Variants in COL19A1 observed in about 807,000 individuals in gnomAD.
COL19A1 encodes collagen alpha-1(XIX) chain.
A neutral mutation model predicts 190.2 loss-of-function variants in COL19A1; 159 were observed. That is an observed-to-expected ratio of 0.84 (90% confidence interval 0.73 to 0.95). The LOEUF (loss-of-function observed/expected upper bound fraction) is 0.95, where lower values mean the gene tolerates loss of function less well. Ranked by LOEUF, COL19A1 falls within the 40% of genes least tolerant of loss-of-function variation. The pLI, the probability that COL19A1 is intolerant of heterozygous loss-of-function variation, is 0.00. For synonymous variants in COL19A1, 509 were observed against 458.9 expected (o/e 1.11, Z -1.39); for missense variants, 1,418 against 1,431.9 (o/e 0.99, Z 0.16).
intron 44 of COL19A1, among the ~76,000 whole-genome samples, chr6:70,184,461 G>T (rs1444277108): frequency 6.6e-6 from 1 of 152,212 alleles, no homozygotes; most frequent in Non-Finnish European, 1.5e-5. Flanking sequence ...CTAGTGAAGA[G>T]ATTGATGCTA....
intron 34 of COL19A1, among the ~76,000 whole-genome samples, chr6:70,159,321 C>T (rs1787636465): frequency 6.6e-6 from 1 of 151,800 alleles, no homozygotes. Context: ...CATCTATAAA[C>T]CTGCATACAA....
chr6:70,008,464 G>A (rs1777770541), intron 11 of COL19A1, among the ~76,000 whole-genome samples: 1 of 151,824 alleles, frequency 6.6e-6, no homozygotes, highest in South Asian at 2.1e-4. Flanking sequence ...TTCTTAGAAA[G>A]TCAAAAATTA....
At chr6:69,924,287 G>A (rs868095005) in intron 4 of COL19A1, among the ~76,000 whole-genome samples, 100 of 150,218 alleles carry the variant, frequency 6.7e-4, no homozygotes, top group South Asian at 6.4e-4. Context: ...GGTGTGTGAT[G>A]TTCTCCTTCC....
At chr6:70,176,603 C>T (rs765208590) in intron 42 of COL19A1, 39 bp downstream of exon 42, 50 of 1,604,822 alleles carry the variant, frequency 3.1e-5, no homozygotes, top group East Asian at 6.7e-5. Flanking sequence ...CACAGGTAAA[C>T]GGTTCTATCT....
At chr6:70,140,897 G>A (rs573514504) in intron 19 of COL19A1, 57 bp from the exon 20 acceptor site, 1 of 1,568,856 alleles carries the variant, frequency 6.4e-7, no homozygotes, top group East Asian at 2.2e-5. Flanking sequence ...CCACACCCCG[G>A]TTTGGAGAGT....
At chr6:70,149,620 A>G in intron 27 of COL19A1, 84 bp from the exon 28 acceptor site, 1 of 1,549,522 alleles carries the variant, frequency 6.5e-7, no homozygotes, top group Non-Finnish European at 8.8e-7. Flanking sequence ...TAAGTAAACT[A>G]CAATGCTTAG....
At chr6:70,126,569 G>T (rs1785209000) in intron 17 of COL19A1, among the ~76,000 whole-genome samples, 1 of 152,184 alleles carries the variant, frequency 6.6e-6, no homozygotes, top group Non-Finnish European at 1.5e-5. Context: ...TGGTGAAATG[G>T]TTTTTTGCAG....
chr6:70,146,883 C>T lies in COL19A1; in HGVS notation c.1887C>T (p.Gly629=), dbSNP rs750856680. ...DIGPQGIGIP[G]RTGAQGPAGE... ...GCCCACAAGGGATAGGAATTCCTGG[C>T]AGAACAGTAAGTGAAATTCATTCGA... Residue 629 remains glycine (G), a synonymous_variant, in exon 27 of 51, where the codon GGC becomes GGT. Transcript: ENST00000620364. 6.4e-7 allele frequency: 1 copy of T among 1,572,704 alleles called. No homozygotes were observed. The highest frequency in any genetic ancestry group is 2.0e-5 in the Admixed American group (1 of 50,112).
chr6:69,937,106 C>A (rs565359199), intron 8 of COL19A1, among the ~76,000 whole-genome samples, 196 bp downstream of exon 8: 1 of 152,076 alleles, frequency 6.6e-6, no homozygotes, highest in Non-Finnish European at 1.5e-5. Flanking sequence ...AGTTTCAAGC[C>A]CATCTGAACT....
At chr6:69,965,924 C>A (rs187793901) in intron 11 of COL19A1, among the ~76,000 whole-genome samples, 113 of 152,250 alleles carry the variant, frequency 7.4e-4, no homozygotes, top group Middle Eastern at 3.4e-3. Flanking sequence ...GCTTCTCTCT[C>A]TATATAGGAG....
intron 11 of COL19A1, among the ~76,000 whole-genome samples, chr6:70,001,476 C>T (rs574913231): frequency 1.1e-4 from 17 of 152,242 alleles, no homozygotes; most frequent in Non-Finnish European, 2.2e-4. Flanking sequence ...GCCATTTTCA[C>T]GATATTGATT....
chr6:70,081,473 G>A (rs1782249143), intron 15 of COL19A1, among the ~76,000 whole-genome samples: 1 of 151,904 alleles, frequency 6.6e-6, no homozygotes. Flanking sequence ...GACTTTGAAA[G>A]CCTTGTAGAC....
rs746918497 is a variant in COL19A1, at chr6:70,176,501, T to C, written c.2623-19T>C. The C allele has an allele frequency of 1.3e-5, 21 of 1,611,638 alleles. No homozygotes were observed. Among genetic ancestry groups the C allele is most frequent in the Non-Finnish European group, 1.8e-5 (21 of 1,179,064 alleles). On this transcript the variant is annotated intron_variant, in intron 41 of 50. Coordinates refer to ENST00000620364, the MANE Select transcript of COL19A1 (RefSeq NM_001858.6). Reference sequence around the variant, plus strand: ...TTCATTGATGTCATTAAAGTAGCAATGTTTTTAAATCCCAACAGGGAGATC... The same window carrying C: ...TTCATTGATGTCATTAAAGTAGCAACGTTTTTAAATCCCAACAGGGAGATC...
chr6:70,180,199 G>A, intron 42 of COL19A1, 113 bp from the exon 43 acceptor site: 2 of 1,189,312 alleles, frequency 1.7e-6, no homozygotes, highest in South Asian at 1.4e-5. Flanking sequence ...AATGCCACTG[G>A]AGAGCATCAC....
At chr6:70,199,850 A>G in intron 49 of COL19A1, 114 bp downstream of exon 49, 5 of 883,096 alleles carry the variant, frequency 5.7e-6, no homozygotes, top group Non-Finnish European at 8.4e-6. Context: ...TATACATTAC[A>G]TATATAAATA....
chr6:70,083,328 T>C (rs948143360), intron 15 of COL19A1, among the ~76,000 whole-genome samples: 3 of 152,188 alleles, frequency 2.0e-5, no homozygotes, highest in Non-Finnish European at 4.4e-5. Flanking sequence ...GTGTACAGTT[T>C]TGTAATTTTT....
chr6:70,156,689 G>A lies in COL19A1; in HGVS notation c.2258G>A (p.Gly753Asp), dbSNP rs938116658. ...TTTTAGGGAAGCAAAGGAGAGCGGG[G>A]CTACCCTGGGATACCTGGGGAGAAA... ...EGPKGSKGERGYPGIPGEKGD... is the reference protein window; with the variant it reads ...EGPKGSKGERDYPGIPGEKGD... Residue 753 changes from glycine (G) to aspartate (D), a missense_variant, in exon 34 of 51, where the codon GGC becomes GAC. Physicochemically the swap from Gly to Asp is moderately conservative, Grantham distance 94. Coordinates refer to ENST00000620364, the MANE Select transcript of COL19A1 (RefSeq NM_001858.6). The A allele has an allele frequency of 1.7e-5, 27 of 1,611,622 alleles. No homozygotes were observed. Among genetic ancestry groups the A allele is most frequent in the Non-Finnish European group, 2.0e-5 (24 of 1,178,572 alleles).
chr6:70,193,554 G>T (rs1326814666), intron 48 of COL19A1, among the ~76,000 whole-genome samples: 1 of 152,148 alleles, frequency 6.6e-6, no homozygotes, highest in Non-Finnish European at 1.5e-5. Flanking sequence ...CAGGTGAGTG[G>T]CTGGACCCCC....
At chr6:69,927,794 C>G in intron 4 of COL19A1, 115 bp from the exon 5 acceptor site, 1 of 1,321,874 alleles carries the variant, frequency 7.6e-7, no homozygotes, top group Non-Finnish European at 1.0e-6. Flanking sequence ...ATAAGTTACA[C>G]ATTTACTGAG....
Sources: allele counts gnomAD v4.1 joint callset (sites outside exome capture counted in the v4.1 genomes callset), GRCh38; gene constraint gnomAD v4.1.1; transcripts MANE v1.5; gene names NCBI Gene and HGNC (gene_info 2026-07-23, HGNC 2026-07-21).